DOCK7: variants seen among roughly 807,000 people sequenced by gnomAD.
DOCK7 encodes dedicator of cytokinesis protein 7.
Under a neutral mutation model 271.0 loss-of-function variants are expected in DOCK7, and 138 were observed. The observed-to-expected ratio is 0.51, with a 90% CI of 0.44 to 0.59. The LOEUF is 0.59. Ranked by LOEUF, DOCK7 falls within the 20% of genes least tolerant of loss-of-function variation. The probability of loss-of-function intolerance (pLI) is 0.00; values close to 1 mark genes in which losing one functional copy is unlikely to be tolerated. For missense variants in DOCK7, 2,066 were observed against 2,592.4 expected (o/e 0.80, Z 4.41); for synonymous variants, 823 against 876.1 (o/e 0.94, Z 1.07).
intron 3 of DOCK7, 91 bp from the exon 4 acceptor site, chr1:62,653,884 G>C (rs1267851231): frequency 6.7e-7 from 1 of 1,495,004 alleles, no homozygotes; most frequent in Non-Finnish European, 9.2e-7. Context: ...TTGCGTAACA[G>C]GAAATGATGA....
chr1:62,496,318 C>CTTTCT (rs1646621135), intron 38 of DOCK7, 21 bp downstream of exon 38: 2 of 1,608,894 alleles, frequency 1.2e-6, no homozygotes, highest in Non-Finnish European at 1.7e-6. Flanking sequence ...AATTAATGAT[C>CTTTCT]TAGAAAGCAG....
chr1:62,668,382 C>T (rs1049640233), intron 1 of DOCK7, among the ~76,000 whole-genome samples: 1 of 152,086 alleles, frequency 6.6e-6, no homozygotes, highest in Non-Finnish European at 1.5e-5. Flanking sequence ...TGAGATATAA[C>T]CAAATGCAAC....
chr1:62,528,873 G>A (rs1645091822), intron 30 of DOCK7, among the ~76,000 whole-genome samples: 1 of 151,996 alleles, frequency 6.6e-6, no homozygotes, highest in Non-Finnish European at 1.5e-5. Flanking sequence ...TTATTAACCT[G>A]GTGTTAGCAA....
At chr1:62,553,344 ATATATATATATTTTTTTTTTTTTTTTTTT>A (rs1450949070) in intron 21 of DOCK7, among the ~76,000 whole-genome samples, 332 of 31,310 alleles carry the variant, frequency 0.011, 8 homozygotes, top group East Asian at 0.064. Flanking sequence ...ATATATATAT[ATATATATATATTTTTTTTTTTTTTTTTTT>A]TTTTTTTTTT....
At chr1:62,543,470 TA>T in intron 24 of DOCK7, 185 bp downstream of exon 24, 1 of 423,808 alleles carries the variant, frequency 2.4e-6, no homozygotes, top group Non-Finnish European at 4.3e-6. Flanking sequence ...TATCATAATG[TA>T]AAAAAGTATA....
Position 62,513,803 on chromosome 1 carries a change from T to C in DOCK7, c.4032A>G (p.Leu1344=). Residue 1344 remains leucine (L), a synonymous_variant, in exon 32 of 50, where the codon CTA becomes CTG. Transcript: ENST00000635253. ...CTGAGAGATCTGTAAACCACTTCTG[T>C]AGAACTGTTTCATCTGCATTTTTGA... The part of the protein sequence containing the change: ...WVLKNADETV[L]QKWFTDLSVL... 7 of 1,614,146 alleles carry C rather than the reference T, an allele frequency of 4.3e-6. No homozygotes were observed. Among genetic ancestry groups the C allele is most frequent in the East Asian group, 2.2e-5 (1 of 44,878 alleles).
At chr1:62,456,470 A>G (rs1645350736) in intron 49 of DOCK7, among the ~76,000 whole-genome samples, 1 of 152,218 alleles carries the variant, frequency 6.6e-6, no homozygotes, top group African/African-American at 2.4e-5. Context: ...AAGTACAAAG[A>G]GATCACATTG....
chr1:62,487,334 T>C (rs1024663260), intron 43 of DOCK7, 64 bp downstream of exon 43: 17 of 1,529,804 alleles, frequency 1.1e-5, no homozygotes, highest in Middle Eastern at 1.7e-4. Flanking sequence ...GGGCAAAGCA[T>C]TGGCATAAGA....
chr1:62,555,060 C>T (rs796374045), intron 21 of DOCK7, among the ~76,000 whole-genome samples: 37 of 152,244 alleles, frequency 2.4e-4, no homozygotes, highest in African/African-American at 7.9e-4. Flanking sequence ...TTAAATGATA[C>T]GCACAACATA....
intron 20 of DOCK7, 89 bp downstream of exon 20, chr1:62,558,900 A>G: frequency 9.1e-7 from 1 of 1,097,178 alleles, no homozygotes; most frequent in Non-Finnish European, 1.3e-6. Flanking sequence ...TATATATAGC[A>G]AATAGAAATC....
intron 47 of DOCK7, 125 bp downstream of exon 47, chr1:62,475,083 T>A (rs1028169069): frequency 9.2e-6 from 10 of 1,081,202 alleles, no homozygotes; most frequent in Non-Finnish European, 1.3e-5. Flanking sequence ...ATCGCATAGG[T>A]AGAAAAATAC....
chr1:62,663,950 A>G (rs1305976425), intron 1 of DOCK7, among the ~76,000 whole-genome samples: 4 of 152,346 alleles, frequency 2.6e-5, no homozygotes, highest in South Asian at 2.1e-4. Context: ...CTATCCTTCA[A>G]TGGGTAACTG....
intron 2 of DOCK7, among the ~76,000 whole-genome samples, chr1:62,659,364 A>ATGGATATAT (rs1658401453): frequency 6.6e-6 from 1 of 152,196 alleles, no homozygotes; most frequent in African/African-American, 2.4e-5. Context: ...TGGATATAAC[A>ATGGATATAT]CAATACCTTG....
At chr1:62,512,590 G>T (rs971611673) in intron 33 of DOCK7, among the ~76,000 whole-genome samples, 3 of 151,882 alleles carry the variant, frequency 2.0e-5, no homozygotes, top group African/African-American at 7.3e-5. Flanking sequence ...TTATATACAG[G>T]GCATATTAAT....
At chr1:62,602,566 GA>G (rs1650310135) in intron 14 of DOCK7, among the ~76,000 whole-genome samples, 1 of 151,542 alleles carries the variant, frequency 6.6e-6, no homozygotes, top group African/African-American at 2.4e-5. Context: ...GTTATTATTT[GA>G]ATTATATTTA....
chr1:62,574,568 CAT>C (rs1158327011), intron 18 of DOCK7, among the ~76,000 whole-genome samples: 1 of 152,090 alleles, frequency 6.6e-6, no homozygotes. Context: ...AGGCAGCAAA[CAT>C]AGAAGAAACA....
intron 7 of DOCK7, among the ~76,000 whole-genome samples, chr1:62,638,948 G>A (rs1655637376): frequency 1.3e-5 from 2 of 151,644 alleles, no homozygotes; most frequent in Admixed American, 1.3e-4. Context: ...AATGTTTAAT[G>A]AAATAATTTT....
In DOCK7 at chr1:62,633,760, C is replaced by G. The variant is rs1654912432; in HGVS notation, c.1036-182G>C. On this transcript the variant is annotated intron_variant, in intron 9 of 49. Transcript: ENST00000635253. ...ACTCTTTCATGGCAGAAACGCTCAA[C>G]AAAGTAGTAATGCAAAGAAACTACC... 12 of 530,576 alleles carry G rather than the reference C, an allele frequency of 2.3e-5. No individual in the cohort carries two copies. The East Asian group carries it at 3.7e-4, about 16-fold the overall frequency. The allele number at this position is 530,576 out of a possible 1,614,324, so 32.9% of individuals were successfully genotyped here. A position where few individuals can be genotyped will look rare whatever the true frequency, so the allele number is the denominator to read the frequency against.
In DOCK7 at chr1:62,508,029, A is replaced by G. The variant is rs745459593; in HGVS notation, c.4409T>C (p.Leu1470Pro). ...TTCTGTAGCCAGGTTTCCATCAATC[A>G]GTGCTTCGTGTTCAATCTCTGCTCT... ...KSRAEIEHEA[L>P]IDGNLATEAN... The change falls in exon 35 of 50, where the codon CTG becomes CCG. Residue 1470 changes from leucine (L) to proline (P), a missense_variant. Physicochemically the swap from Leu to Pro is moderately conservative, Grantham distance 98. Around this residue, in one of 2 missense-constraint regions of DOCK7, gnomAD observed 652 missense variants for 922.1 expected, o/e 0.71. Transcript: ENST00000635253. The G allele has an allele frequency of 1.2e-6, 2 of 1,612,792 alleles. No homozygotes were observed. Among genetic ancestry groups the G allele is most frequent in the Non-Finnish European group, 1.7e-6 (2 of 1,179,698 alleles).
Sources: allele counts gnomAD v4.1 joint callset (sites outside exome capture counted in the v4.1 genomes callset), GRCh38; gene constraint gnomAD v4.1.1; regional missense constraint gnomAD v4.1.1; transcripts MANE v1.5; gene names NCBI Gene and HGNC (gene_info 2026-07-23, HGNC 2026-07-21).